Variants in TMEM222 observed in about 807,000 individuals in gnomAD.
The protein encoded by TMEM222 is transmembrane protein 222.
In TMEM222, 18 loss-of-function variants were observed where a neutral mutation model predicts 25.1. The ratio of observed to expected loss-of-function variants is 0.72; its 90% CI spans 0.50 to 1.06. The LOEUF (loss-of-function observed/expected upper bound fraction) is 1.06. Among genes scored for constraint, TMEM222 ranks in the 50% least tolerant of loss-of-function variants. TMEM222 has a pLI of 0.00. For missense variants in TMEM222, 296 were observed against 293.7 expected, an observed-to-expected ratio of 1.01 and a Z score of -0.06; for synonymous variants, 131 against 117.9, an observed-to-expected ratio of 1.11 and a Z score of -0.72.
chr1:27,332,894 A>T (rs1039489588), intron 3 of TMEM222: 4 of 293,768 alleles, frequency 1.4e-5, no homozygotes, highest in African/African-American at 8.6e-5. Flanking sequence ...AGTAGCCCCT[A>T]AGCGGCCCCA....
intron 1 of TMEM222, among the ~76,000 whole-genome samples, chr1:27,323,356 G>A (rs2014257066): frequency 1.3e-5 from 2 of 152,140 alleles, no homozygotes; most frequent in Admixed American, 1.3e-4. Flanking sequence ...TGTGGAGAAG[G>A]GATCATTTGG....
At chr1:27,330,978 C>T in intron 2 of TMEM222, 174 bp downstream of exon 2, 1 of 1,493,466 alleles carries the variant, frequency 6.7e-7, no homozygotes, top group Non-Finnish European at 8.9e-7. Context: ...CCTTCTCTTG[C>T]CTCCAGGACA....
intron 1 of TMEM222, among the ~76,000 whole-genome samples, chr1:27,329,899 C>T (rs1002106799): frequency 3.3e-5 from 5 of 150,364 alleles, no homozygotes; most frequent in African/African-American, 7.4e-5. Context: ...GTCAGGAGTT[C>T]GAGACCAGCC....
At position 27,330,789 on chromosome 1, in the gene TMEM222, C is replaced by A; in HGVS notation, c.264C>A (p.Gly88=). ...TSTGVIRDFA[G]PYFVSEDNMA... is the part of the protein sequence containing the mutation. The stretch of plus-strand genomic sequence containing the variant: ...CAGGAGTCATTCGGGACTTCGCGGG[C>A]CCCTACTTTGTCTCAGTGAGTCCCC... Residue 88 remains glycine (G), a synonymous_variant, in exon 2 of 6, where the codon GGC becomes GGA. Coordinates refer to ENST00000374076, the MANE Select transcript of TMEM222 (RefSeq NM_032125.3). 1 of 1,614,178 alleles carries A rather than the reference C, an allele frequency of 6.2e-7. No homozygotes were observed. The highest frequency in any genetic ancestry group is 8.5e-7 in the Non-Finnish European group (1 of 1,180,032).
At position 27,322,193 on chromosome 1, in the gene TMEM222, GC is replaced by G; in HGVS notation, c.-3del. 8 of 1,384,036 alleles carry G rather than the reference GC, an allele frequency of 5.8e-6. No homozygotes were observed. Among genetic ancestry groups the G allele is most frequent in the Non-Finnish European group, 7.6e-6 (8 of 1,058,150 alleles). 85.7% of individuals were successfully genotyped at this position (1,384,036 alleles called of 1,614,324 possible). The stretch of plus-strand genomic sequence containing the variant: ...CGGGGCCAGTCGGAGCGGGGCGCGC[GC>G]CGCATGGCGGAAGCGGAAGGGAGTT... On this transcript the variant is annotated 5_prime_UTR_variant, in exon 1 of 6. Coordinates refer to ENST00000374076, the MANE Select transcript of TMEM222 (RefSeq NM_032125.3).
chr1:27,325,312 C>T (rs2148012583), intron 1 of TMEM222: 2 of 667,078 alleles, frequency 3.0e-6, no homozygotes, highest in East Asian at 2.9e-5. Context: ...ATTCGTGAAG[C>T]GTTCCATATT....
In TMEM222 at chr1:27,333,948, C is replaced by T. The variant is rs978082493; in HGVS notation, c.312-10C>T. On this transcript the variant is annotated splice_polypyrimidine_tract_variant and intron_variant, in intron 3 of 5. Transcript: ENST00000374076. ...CCAAGCAAGTGTCCAGAGCCCTTCT[C>T]TCCCCCCAGGTACTGGAAGTTGGAC... is the stretch of plus-strand genomic sequence containing the variant. 2 of 1,612,670 alleles carry T rather than the reference C, an allele frequency of 1.2e-6. No individual in the cohort carries two copies.
Position 27,335,550 on chromosome 1 carries a change from C to A in TMEM222, c.*84C>A. On this transcript the variant is annotated 3_prime_UTR_variant, in exon 6 of 6. Transcript: ENST00000374076. ...TGGTTCCAGATTTTTTTCTCCTCAC[C>A]CCAAAAGGCAGGGTTGGGCCTGCTG... is the stretch of plus-strand genomic sequence containing the variant. The A allele has an allele frequency of 7.1e-7, 1 of 1,401,162 alleles. No individual in the cohort carries two copies. Among genetic ancestry groups the A allele is most frequent in the East Asian group, 2.3e-5 (1 of 43,318 alleles). 86.8% of individuals were successfully genotyped at this position (1,401,162 alleles called of 1,614,324 possible).
At position 27,322,382 on chromosome 1, in the gene TMEM222, C is replaced by T. The variant is rs756603644; in HGVS notation, c.185C>T (p.Pro62Leu). The change falls in exon 1 of 6, where the codon CCG (proline) becomes CTG (leucine). Residue 62 changes from proline (P) to leucine (L), a missense_variant. By Grantham distance (98) the Pro-to-Leu change is moderately conservative. Transcript: ENST00000374076. The part of the protein sequence containing the change: ...FPYCVVWTPI[P>L]VLTWFFPIIG... ...TACTGCGTGGTGTGGACGCCCATCCCGGTGCTCACGTGAGTCTCTTCCGGC... is the reference window on the plus strand; with the variant it reads ...TACTGCGTGGTGTGGACGCCCATCCTGGTGCTCACGTGAGTCTCTTCCGGC... 1.9e-5 allele frequency: 28 copies of T among 1,444,086 alleles called. No individual in the cohort carries two copies. Among genetic ancestry groups the T allele is most frequent in the Non-Finnish European group, 7.4e-6 (8 of 1,085,856 alleles). The allele number at this position is 1,444,086 out of a possible 1,614,324, so 89.5% of individuals were successfully genotyped here. A position where few individuals can be genotyped will look rare whatever the true frequency, so the allele number is the denominator to read the frequency against.
Position 27,322,246 on chromosome 1 carries a change from C to T in TMEM222, c.49C>T (p.Pro17Ser), listed in dbSNP as rs759671456. 3.4e-6 allele frequency: 5 copies of T among 1,487,916 alleles called. 1 individual carries two copies. In the South Asian group the frequency reaches 3.9e-5, roughly 11 times the overall value. The allele number at this position is 1,487,916 out of a possible 1,614,324, so 92.2% of individuals were successfully genotyped here. ...TCTGCTCTTGTTGCCGCCGCCGCCA[C>T]CCCCGCCCAGGATGGCGGAAGTGGA... ...SSLLLLPPPP[P>S]PPRMAEVEAP... is the part of the protein sequence containing the mutation. Residue 17 changes from proline (P) to serine (S), a missense_variant, in exon 1 of 6, where the codon CCC (proline) becomes TCC (serine). Transcript: ENST00000374076.
chr1:27,323,093 G>A (rs1265803321), intron 1 of TMEM222, among the ~76,000 whole-genome samples: 2 of 152,142 alleles, frequency 1.3e-5, no homozygotes, highest in East Asian at 1.9e-4. Context: ...CCTCCTCACC[G>A]TGCTGGATAG....
Position 27,330,785 on chromosome 1 carries a change from C to T in TMEM222, c.260C>T (p.Ala87Val), listed in dbSNP as rs1003444704. The T allele has an allele frequency of 7.4e-6, 12 of 1,614,150 alleles. No individual in the cohort carries two copies. Among genetic ancestry groups the T allele is most frequent in the South Asian group, 3.3e-5 (3 of 91,082 alleles). Residue 87 changes from alanine (A) to valine (V), a missense_variant, in exon 2 of 6, where the codon GCG becomes GTG. By Grantham distance (64) the Ala-to-Val change is moderately conservative. Coordinates refer to ENST00000374076, the MANE Select transcript of TMEM222 (RefSeq NM_032125.3). ...TCCACAGGAGTCATTCGGGACTTCG[C>T]GGGCCCCTACTTTGTCTCAGTGAGT... Reference protein sequence around the residue: ...CTSTGVIRDFAGPYFVSEDNM... With the variant: ...CTSTGVIRDFVGPYFVSEDNM...
rs768649948 is a variant in TMEM222 at position 27,334,264 on chromosome 1, C to G, written c.522C>G (p.Leu174=). The change falls in exon 5 of 6, where the codon CTC becomes CTG. Residue 174 remains leucine (L), a synonymous_variant. Coordinates refer to ENST00000374076, the MANE Select transcript of TMEM222 (RefSeq NM_032125.3). ...NMVTLCFFCL[L]YGKYVSVGAF... ...TGACGCTCTGCTTCTTCTGCCTGCT[C>G]TACGGGAAGTACGTCAGGTGAGCTG... The G allele has an allele frequency of 6.2e-7, 1 of 1,614,240 alleles. No individual in the cohort carries two copies. The highest frequency in any genetic ancestry group is 8.5e-7 in the Non-Finnish European group (1 of 1,180,042).
chr1:27,325,485 G>T (rs1379278391), intron 1 of TMEM222: 2 of 1,452,496 alleles, frequency 1.4e-6, no homozygotes, highest in Non-Finnish European at 1.9e-6. Context: ...GGAATCTTGC[G>T]GCATCCACGA....
chr1:27,335,563 G>GCCT lies in TMEM222; in HGVS notation c.*97_*98insCCT. ...TTTTCTCCTCACCCCAAAAGGCAGG[G>GCCT]TTGGGCCTGCTGTTGTGGACCGGGG... On this transcript the variant is annotated 3_prime_UTR_variant, in exon 6 of 6. Transcript: ENST00000374076. 1 of 1,247,280 alleles carries GCCT rather than the reference G, an allele frequency of 8.0e-7. No individual in the cohort carries two copies. The highest frequency in any genetic ancestry group is 1.2e-6 in the Non-Finnish European group (1 of 868,028). The allele number at this position is 1,247,280 out of a possible 1,614,324, so 77.3% of individuals were successfully genotyped here. A position where few individuals can be genotyped will look rare whatever the true frequency, so the allele number is the denominator to read the frequency against.
chr1:27,324,343 T>G (rs1362629217), intron 1 of TMEM222, among the ~76,000 whole-genome samples: 2 of 152,152 alleles, frequency 1.3e-5, no homozygotes, highest in East Asian at 3.8e-4. Flanking sequence ...AGAAAATAAC[T>G]GGGAGGGATA....
Position 27,334,189 on chromosome 1 carries a change from A to G in TMEM222, c.447A>G (p.Ala149=). Residue 149 remains alanine (A), a synonymous_variant, in exon 5 of 6, where the codon GCA becomes GCG. Transcript: ENST00000374076. ...GTGACAACTGCCACTCGCACGTGGC[A>G]TTGGCCCTGAATCTGATGCGCTACA... The part of the protein sequence containing the change: ...LCCDNCHSHV[A]LALNLMRYNN... The G allele has an allele frequency of 6.2e-7, 1 of 1,614,200 alleles. No individual in the cohort carries two copies. Among genetic ancestry groups the G allele is most frequent in the Non-Finnish European group, 8.5e-7 (1 of 1,180,026 alleles).
chr1:27,322,382 C>G lies in TMEM222; in HGVS notation c.185C>G (p.Pro62Arg). ...TACTGCGTGGTGTGGACGCCCATCC[C>G]GGTGCTCACGTGAGTCTCTTCCGGC... ...FPYCVVWTPIPVLTWFFPIIG... is the reference protein window; with the variant it reads ...FPYCVVWTPIRVLTWFFPIIG... Residue 62 changes from proline to arginine, a missense_variant, in exon 1 of 6, where the codon CCG (proline) becomes CGG (arginine). Physicochemically the swap from Pro to Arg is moderately radical, Grantham distance 103 (BLOSUM62 -2). Transcript: ENST00000374076. The G allele has an allele frequency of 6.9e-7, 1 of 1,444,204 alleles. No homozygotes were observed. The highest frequency in any genetic ancestry group is 9.2e-7 in the Non-Finnish European group (1 of 1,085,848). 89.5% of individuals were successfully genotyped at this position (1,444,204 alleles called of 1,614,324 possible). A position where few individuals can be genotyped will look rare whatever the true frequency, so the allele number is the denominator to read the frequency against.
intron 1 of TMEM222, chr1:27,325,072 G>A (rs76394076): frequency 0.12 from 35,292 of 294,838 alleles, 2,597 homozygotes; most frequent in South Asian, 0.17. Context: ...TAGTATTACT[G>A]TATAGTGATG....
Sources: allele counts gnomAD v4.1 joint callset (sites outside exome capture counted in the v4.1 genomes callset), GRCh38; gene constraint gnomAD v4.1.1; transcripts MANE v1.5; gene names NCBI Gene and HGNC (gene_info 2026-07-23, HGNC 2026-07-21).